The following ZRANB3 variants were observed in gnomAD, a reference collection of about 807,000 sequenced individuals.
ZRANB3 encodes the protein DNA annealing helicase and endonuclease ZRANB3.
Under a neutral mutation model 133.8 loss-of-function variants are expected in ZRANB3, and 125 were observed. The observed-to-expected ratio is 0.93, with a 90% CI of 0.81 to 1.08. The LOEUF (loss-of-function observed/expected upper bound fraction) is 1.08. Among genes scored for constraint, ZRANB3 ranks in the 50% least tolerant of loss-of-function variants. The probability of loss-of-function intolerance (pLI) is 0.00; values close to 1 mark genes in which losing one functional copy is unlikely to be tolerated. For synonymous variants in ZRANB3, 387 were observed against 432.7 expected, an observed-to-expected ratio of 0.89 and a Z score of 1.31; for missense variants, 1,229 against 1,275.5, an observed-to-expected ratio of 0.96 and a Z score of 0.56.
chr2:135,309,456 T>A (rs1682867309), intron 8 of ZRANB3, among the ~76,000 whole-genome samples: 1 of 152,210 alleles, frequency 6.6e-6, no homozygotes, highest in Non-Finnish European at 1.5e-5. Context: ...AATAAAAATG[T>A]CTTTATGTGC....
intron 3 of ZRANB3, among the ~76,000 whole-genome samples, chr2:135,361,828 T>G (rs1685707069): frequency 6.6e-6 from 1 of 152,192 alleles, no homozygotes; most frequent in Non-Finnish European, 1.5e-5. Context: ...CAGAACCACT[T>G]TCTTGTTCTT....
intron 1 of ZRANB3, among the ~76,000 whole-genome samples, chr2:135,521,306 T>C (rs531528435): frequency 1.3e-5 from 2 of 152,266 alleles, no homozygotes; most frequent in Admixed American, 6.5e-5. Flanking sequence ...CCCAGCACTT[T>C]GGGAGGCCGA....
rs772868145 is a variant in ZRANB3 at position 135,353,574 on chromosome 2, C to T, written c.235G>A (p.Glu79Lys). 9 of 1,605,114 alleles carry T rather than the reference C, an allele frequency of 5.6e-6. No homozygotes were observed. The highest frequency in any genetic ancestry group is 8.5e-7 in the Non-Finnish European group (1 of 1,174,944). The change falls in exon 4 of 21, where the codon GAA (glutamate) becomes AAA (lysine). Residue 79 changes from glutamate to lysine, a missense_variant. Transcript: ENST00000264159. ...GGGACCACTATTAACAGAGGCCATTCCTCTTTATAGAAGTAAGTAATTCCA... is the reference window on the plus strand; with the variant it reads ...GGGACCACTATTAACAGAGGCCATTTCTCTTTATAGAAGTAAGTAATTCCA... ...AIGITYFYKE[E>K]WPLLIVVPSS...
At chr2:135,403,643 T>C (rs942345091) in intron 2 of ZRANB3, among the ~76,000 whole-genome samples, 20 of 152,308 alleles carry the variant, frequency 1.3e-4, no homozygotes, top group East Asian at 3.9e-4. Flanking sequence ...TGAGAACAGA[T>C]AGACTGCCTC....
chr2:135,442,599 G>T (rs1489191357), intron 2 of ZRANB3, among the ~76,000 whole-genome samples: 1 of 152,184 alleles, frequency 6.6e-6, no homozygotes, highest in Non-Finnish European at 1.5e-5. Flanking sequence ...CTGTTGGTGG[G>T]AGTGTAAATT....
rs576995996 is a variant in ZRANB3, at chr2:135,529,592, G to A, written c.-8+1535C>T. ...ATCTCGGGTCACTGTAACCACTTCC[G>A]AAGTTGAAGCGATTCTCCTGCCTCA... On this transcript the variant is annotated intron_variant, in intron 1 of 20. Transcript: ENST00000264159. Among the ~76,000 whole-genome samples the A allele has an allele frequency of 6.6e-5, 10 of 152,046 alleles. No individual in the cohort carries two copies. The South Asian group carries it at 8.3e-4, about 13-fold the overall frequency.
rs74845822 is a variant in ZRANB3 at position 135,446,536 on chromosome 2, T to C, written c.162-55716A>G. ...GAGCATGGATTTAAAGCTAGAATAA[T>C]TGGCAGGTTTTTCTCCAACCACCAT... On this transcript the variant is annotated intron_variant, in intron 2 of 20. Coordinates refer to ENST00000264159, the MANE Select transcript of ZRANB3 (RefSeq NM_032143.4). Among the ~76,000 whole-genome samples, 510 of 152,264 alleles carry C rather than the reference T, an allele frequency of 3.3e-3. 3 individuals carry two copies. The highest frequency in any genetic ancestry group is 0.012 in the African/African-American group (479 of 41,542).
Position 135,371,209 on chromosome 2 carries a change from C to T in ZRANB3, c.181-17581G>A, listed in dbSNP as rs138533054. Among the ~76,000 whole-genome samples, 794 of 152,256 alleles carry T rather than the reference C, an allele frequency of 5.2e-3. 2 individuals are homozygous for T. Among genetic ancestry groups the T allele is most frequent in the Non-Finnish European group, 7.8e-3 (533 of 67,998 alleles). ...GTTACAGGGTGGGATTTAATTTTAA[C>T]CATTCTTCCCATTTTTAAACAACTG... On this transcript the variant is annotated intron_variant, in intron 3 of 20. Coordinates refer to ENST00000264159, the MANE Select transcript of ZRANB3 (RefSeq NM_032143.4).
At position 135,271,865 on chromosome 2, in the gene ZRANB3, C is replaced by A. The variant is rs1437876464; in HGVS notation, c.1109G>T (p.Gly370Val). 5 of 1,613,498 alleles carry A rather than the reference C, an allele frequency of 3.1e-6. No homozygotes were observed. Among genetic ancestry groups the A allele is most frequent in the Non-Finnish European group, 8.5e-7 (1 of 1,179,770 alleles). ...ENKTRYIRID[G>V]SVSSSERIHL... ...TATTCTTTCTGAAGATGAAACACTT[C>A]CATCTATCCTAATGTAACGAGTCTA... Residue 370 changes from glycine (G) to valine (V), a missense_variant, in exon 10 of 21, where the codon GGA becomes GTA. Coordinates refer to ENST00000264159, the MANE Select transcript of ZRANB3 (RefSeq NM_032143.4).
intron 1 of ZRANB3, among the ~76,000 whole-genome samples, chr2:135,521,371 A>T (rs1247890171): frequency 6.6e-6 from 1 of 152,066 alleles, no homozygotes; most frequent in Admixed American, 6.5e-5. Flanking sequence ...ACATGGTGAA[A>T]CCTTGTCTCC....
chr2:135,309,010 T>C (rs1573882212), intron 8 of ZRANB3, among the ~76,000 whole-genome samples: 3 of 149,512 alleles, frequency 2.0e-5, no homozygotes, highest in African/African-American at 7.5e-5. Context: ...AGATGGAGTC[T>C]GGCTCTGTTG....
chr2:135,381,772 A>T (rs1333853147), intron 3 of ZRANB3, among the ~76,000 whole-genome samples: 1 of 152,240 alleles, frequency 6.6e-6, no homozygotes, highest in African/African-American at 2.4e-5. Flanking sequence ...ACAGACCTGC[A>T]GCTGAGGGTC....
At chr2:135,415,137 A>G (rs1183985081) in intron 2 of ZRANB3, among the ~76,000 whole-genome samples, 1 of 151,298 alleles carries the variant, frequency 6.6e-6, no homozygotes, top group Non-Finnish European at 1.5e-5. Flanking sequence ...AGACAAAAAA[A>G]AAACCCTTCA....
At chr2:135,472,872 C>T (rs1330161420) in intron 2 of ZRANB3, among the ~76,000 whole-genome samples, 1 of 152,094 alleles carries the variant, frequency 6.6e-6, no homozygotes, top group Non-Finnish European at 1.5e-5. Flanking sequence ...TAAAGGAGAG[C>T]TAGTAGTAAG....
chr2:135,486,660 G>A (rs1371368836), intron 2 of ZRANB3, among the ~76,000 whole-genome samples: 1 of 152,078 alleles, frequency 6.6e-6, no homozygotes, highest in Admixed American at 6.6e-5. Flanking sequence ...ATTACAGGTG[G>A]TTGCCAGCAT....
intron 4 of ZRANB3, 118 bp downstream of exon 4, chr2:135,353,332 C>A: frequency 1.7e-6 from 1 of 576,662 alleles, no homozygotes; most frequent in Non-Finnish European, 2.7e-6. Context: ...ATTCTCCATA[C>A]TACTTACTCC....
rs1686075257 is a variant in ZRANB3 at position 135,369,493 on chromosome 2, TAAGAGA to T, written c.181-15871_181-15866del. Among the ~76,000 whole-genome samples, 6 of 152,292 alleles carry T rather than the reference TAAGAGA, an allele frequency of 3.9e-5. No individual in the cohort carries two copies. The South Asian group carries it at 1.2e-3, about 32-fold the overall frequency. ...CTGATGAGTAAAATTAGATAAAGGT[TAAGAGA>T]AAGAGACACACTTTGCCTCACTATA... On this transcript the variant is annotated intron_variant, in intron 3 of 20. Coordinates refer to ENST00000264159, the MANE Select transcript of ZRANB3 (RefSeq NM_032143.4).
In ZRANB3 at chr2:135,306,314, G is replaced by A. The variant is rs1296176378; in HGVS notation, c.966+7175C>T. Among the ~76,000 whole-genome samples the A allele has an allele frequency of 2.2e-5, 3 of 137,302 alleles. No homozygotes were observed. In the Admixed American group the frequency reaches 2.4e-4, roughly 11 times the overall value. 90.1% of individuals were successfully genotyped at this position (137,302 alleles called of 152,430 possible). Reference sequence around the variant, plus strand: ...TTTTTTTTTTTTTTTCTGAGGTGGAGTCTCACTCTGTCACCCAGGCTGGAG... The same window carrying A: ...TTTTTTTTTTTTTTTCTGAGGTGGAATCTCACTCTGTCACCCAGGCTGGAG... On this transcript the variant is annotated intron_variant, in intron 8 of 20. Coordinates refer to ENST00000264159, the MANE Select transcript of ZRANB3 (RefSeq NM_032143.4).
In ZRANB3 at chr2:135,217,846, G is replaced by C. The variant is rs1037949369; in HGVS notation, c.2353-239C>G. Among the ~76,000 whole-genome samples the C allele has an allele frequency of 3.9e-5, 6 of 151,992 alleles. 1 individual carries two copies. In the South Asian group the frequency reaches 1.2e-3, roughly 31 times the overall value. ...TTTCTTTTTGATAGGGTCTTGCTCT[G>C]TTGTCCAGGCTGGAGTGCAGTGGCA... is the stretch of plus-strand genomic sequence containing the variant. On this transcript the variant is annotated intron_variant, in intron 16 of 20. Coordinates refer to ENST00000264159, the MANE Select transcript of ZRANB3 (RefSeq NM_032143.4).
Sources: allele counts gnomAD v4.1 joint callset (sites outside exome capture counted in the v4.1 genomes callset), GRCh38; gene constraint gnomAD v4.1.1; transcripts MANE v1.5; gene names NCBI Gene and HGNC (gene_info 2026-07-23, HGNC 2026-07-21).